The following EPN1 variants were observed in gnomAD, a reference collection of about 807,000 sequenced individuals.
The protein encoded by EPN1 is epsin 1.
In EPN1, 25 loss-of-function variants were observed where a neutral mutation model predicts 56.9. That is an observed-to-expected ratio of 0.44 (90% confidence interval 0.32 to 0.61). The LOEUF is 0.61. Ranked by LOEUF, EPN1 falls within the 20% of genes least tolerant of loss-of-function variation. The pLI is 0.05. For synonymous variants in EPN1, 411 were observed against 361.8 expected (o/e 1.14, Z -1.54); for missense variants, 785 against 823.7 (o/e 0.95, Z 0.58).
chr19:55,688,870 C>G lies in EPN1; in HGVS notation c.479C>G (p.Ala160Gly), dbSNP rs975825862. ...TKEKLAQTAT[A>G]SSAAVGSGPP... ...CACGCGTTTCTCACCCGCCCTCCAG[C>G]CTCATCAGCAGCTGTGGGCTCAGGC... Residue 160 changes from alanine (A) to glycine (G), a missense_variant and splice_region_variant, in exon 4 of 11, where the codon GCC (alanine) becomes GGC (glycine). Ala to Gly is a moderately conservative substitution (Grantham distance 60). This residue lies in a region of EPN1 where 650 missense variants were observed against 605.0 expected (regional missense o/e 1.07). Coordinates refer to ENST00000270460, the MANE Select transcript of EPN1 (RefSeq NM_001130072.2). The G allele has an allele frequency of 6.3e-7, 1 of 1,576,580 alleles. No homozygotes were observed. The highest frequency in any genetic ancestry group is 8.6e-7 in the Non-Finnish European group (1 of 1,161,456).
At chr19:55,678,880 GGCA>G in intron 2 of EPN1, 25 bp downstream of exon 2, 9 of 1,537,234 alleles carry the variant, frequency 5.9e-6, no homozygotes, top group Non-Finnish European at 8.0e-6. Flanking sequence ...CTCCTCCCCG[GGCA>G]GGTGCAGGGG....
chr19:55,678,980 C>T (rs1985623258), intron 2 of EPN1, 125 bp downstream of exon 2: 1 of 668,800 alleles, frequency 1.5e-6, no homozygotes, highest in African/African-American at 1.8e-5. Flanking sequence ...AGAGTAAAAT[C>T]TCTCTTTTTG....
chr19:55,683,065 T>C (rs1405108561), intron 2 of EPN1, among the ~76,000 whole-genome samples: 1 of 149,810 alleles, frequency 6.7e-6, no homozygotes, highest in Non-Finnish European at 1.5e-5. Flanking sequence ...TGTTTTTTGT[T>C]TTTTCTTGAA....
chr19:55,692,091 C>A, intron 7 of EPN1, 34 bp downstream of exon 7: 1 of 1,401,322 alleles, frequency 7.1e-7, no homozygotes, highest in Non-Finnish European at 9.3e-7. Context: ...GCAGCCCCTA[C>A]GCCTGTGTGC....
rs772902715 is a variant in EPN1 at position 55,695,196 on chromosome 19, C to T, written c.1571C>T (p.Pro524Leu). 3.7e-6 allele frequency: 6 copies of T among 1,613,716 alleles called. No individual in the cohort carries two copies. The highest frequency in any genetic ancestry group is 4.2e-6 in the Non-Finnish European group (5 of 1,179,834). Residue 524 changes from proline to leucine, a missense_variant, in exon 11 of 11, where the codon CCT (proline) becomes CTT (leucine). Physicochemically the swap from Pro to Leu is moderately conservative, Grantham distance 98. Transcript: ENST00000270460. This position sits in a 1 kb window ranked among gnomAD's most constrained non-coding sequence, Gnocchi z 4.4. Reference protein sequence around the residue: ...PSVTNPFQPAPPATLTLNQLR... With the variant: ...PSVTNPFQPALPATLTLNQLR... ...GTCACCAACCCCTTCCAGCCCGCGC[C>T]TCCCGCGACGCTCACCCTGAACCAG...
At chr19:55,685,372 G>T in intron 2 of EPN1, 24 bp from the exon 3 acceptor site, 1 of 1,603,004 alleles carries the variant, frequency 6.2e-7, no homozygotes. Context: ...CGTGCTGACC[G>T]GGCATCCCCG....
rs1019236931 is a variant in EPN1, at chr19:55,700,161, G to C, written c.*4805G>C. The C allele has an allele frequency of 7.0e-6, 1 of 143,530 alleles. No individual in the cohort carries two copies. Among genetic ancestry groups the C allele is most frequent in the Admixed American group, 6.7e-5 (1 of 14,968 alleles). 8.9% of individuals were successfully genotyped at this position (143,530 alleles called of 1,614,324 possible). ...GATGGTCACGATCTCCTGACCTCGT[G>C]ATCTGCCCACCTCGGCCTTCCAAAG... On this transcript the variant is annotated 3_prime_UTR_variant, in exon 11 of 11. Transcript: ENST00000270460.
intron 1 of EPN1, among the ~76,000 whole-genome samples, chr19:55,676,057 G>A (rs1985394763): frequency 6.6e-6 from 1 of 152,192 alleles, no homozygotes; most frequent in African/African-American, 2.4e-5. Flanking sequence ...ATTGCCAGGT[G>A]ATAGTCTCTG....
chr19:55,693,541 C>T (rs1011220562), intron 9 of EPN1, among the ~76,000 whole-genome samples: 1 of 152,192 alleles, frequency 6.6e-6, no homozygotes. Context: ...TGGCGCCCAT[C>T]GCCGGTGACG....
Position 55,705,032 on chromosome 19 carries a change from C to G in EPN1, c.*9676C>G, listed in dbSNP as rs1463298716. The stretch of plus-strand genomic sequence containing the variant: ...CAGGGAGCCCAGAAGAAATGAAAAG[C>G]CTGGGCAGACTCGCAGTTCTGCCAC... On this transcript the variant is annotated 3_prime_UTR_variant, in exon 11 of 11. Coordinates refer to ENST00000270460, the MANE Select transcript of EPN1 (RefSeq NM_001130072.2). 6.6e-6 allele frequency: 1 copy of G among 152,236 alleles called. No individual in the cohort carries two copies. The highest frequency in any genetic ancestry group is 1.5e-5 in the Non-Finnish European group (1 of 68,062). 9.4% of individuals were successfully genotyped at this position (152,236 alleles called of 1,614,324 possible).
At position 55,708,731 on chromosome 19, in the gene EPN1, A is replaced by G. The variant is rs1987552538; in HGVS notation, c.*13375A>G. On this transcript the variant is annotated 3_prime_UTR_variant, in exon 11 of 11. Transcript: ENST00000270460. ...ACAAGGGGATATAGGACCGAGGCAA[A>G]GACAATCAGCATGTACACTGAATCA... The G allele has an allele frequency of 2.1e-6, 1 of 468,480 alleles. No individual in the cohort carries two copies. The highest frequency in any genetic ancestry group is 3.8e-6 in the Non-Finnish European group (1 of 263,546). 29.0% of individuals were successfully genotyped at this position (468,480 alleles called of 1,614,324 possible). A position where few individuals can be genotyped will look rare whatever the true frequency, so the allele number is the denominator to read the frequency against.
Position 55,695,114 on chromosome 19 carries a change from T to C in EPN1, c.1523-34T>C. On this transcript the variant is annotated intron_variant, in intron 10 of 10. Coordinates refer to ENST00000270460, the MANE Select transcript of EPN1 (RefSeq NM_001130072.2). This position sits in a 1 kb window ranked among gnomAD's most constrained non-coding sequence, Gnocchi z 4.4. ...GACACAGGTGGGCTGCGCCACTGAC[T>C]CCACTCCGTGTCTCTGGTTTACTCT... is the stretch of plus-strand genomic sequence containing the variant. 6.2e-7 allele frequency: 1 copy of C among 1,612,874 alleles called. No homozygotes were observed. The highest frequency in any genetic ancestry group is 8.5e-7 in the Non-Finnish European group (1 of 1,179,274).
Position 55,678,765 on chromosome 19 carries a change from C to T in EPN1, c.138C>T (p.Leu46=). ...SSSLMSEIAD[L]TYNVVAFSEI... Reference sequence around the variant, plus strand: ...CCCTCATGTCAGAGATTGCCGACCTCACCTACAACGTTGTCGCCTTCTCGG... The same window carrying T: ...CCCTCATGTCAGAGATTGCCGACCTTACCTACAACGTTGTCGCCTTCTCGG... Residue 46 remains leucine (L), a synonymous_variant, in exon 2 of 11, where the codon CTC becomes CTT. Coordinates refer to ENST00000270460, the MANE Select transcript of EPN1 (RefSeq NM_001130072.2). The T allele has an allele frequency of 6.2e-7, 1 of 1,614,204 alleles. No homozygotes were observed. Among genetic ancestry groups the T allele is most frequent in the Non-Finnish European group, 8.5e-7 (1 of 1,180,026 alleles).
rs34696571 is a variant in EPN1, at chr19:55,702,802, GT to G, written c.*7456del. On this transcript the variant is annotated 3_prime_UTR_variant, in exon 11 of 11. Coordinates refer to ENST00000270460, the MANE Select transcript of EPN1 (RefSeq NM_001130072.2). Reference sequence around the variant, plus strand: ...TACTCCTTTCTTTTCTTTCACTGTTGTTTTTTTTTTGAGACGGAGTCTTGCA... The same window carrying G: ...TACTCCTTTCTTTTCTTTCACTGTTGTTTTTTTTTGAGACGGAGTCTTGCA... 0.28 allele frequency: 36,135 copies of G among 131,332 alleles called. 4,677 individuals are homozygous for G. The highest frequency in any genetic ancestry group is 0.41 in the African/African-American group (13,243 of 32,406). 8.1% of individuals were successfully genotyped at this position (131,332 alleles called of 1,614,324 possible).
intron 2 of EPN1, chr19:55,680,675 C>G (rs910337335): frequency 6.6e-6 from 1 of 152,416 alleles, no homozygotes; most frequent in Non-Finnish European, 1.5e-5. Context: ...AGCATAGGCA[C>G]AGGGCAGGGG....
rs899886800 is a variant in EPN1, at chr19:55,697,102, T to C, written c.*1746T>C. 1 of 152,172 alleles carries C rather than the reference T, an allele frequency of 6.6e-6. No homozygotes were observed. The highest frequency in any genetic ancestry group is 1.5e-5 in the Non-Finnish European group (1 of 68,026). The allele number at this position is 152,172 out of a possible 1,614,324, so 9.4% of individuals were successfully genotyped here. A position where few individuals can be genotyped will look rare whatever the true frequency, so the allele number is the denominator to read the frequency against. The stretch of plus-strand genomic sequence containing the variant: ...CTTCTCACACCCGGCCTGGGTATGT[T>C]GTGGGAGAGTCATTTCCCAGGAGGA... On this transcript the variant is annotated 3_prime_UTR_variant, in exon 11 of 11. Coordinates refer to ENST00000270460, the MANE Select transcript of EPN1 (RefSeq NM_001130072.2).
At position 55,678,814 on chromosome 19, in the gene EPN1, C is replaced by T. The variant is rs754764107; in HGVS notation, c.187C>T (p.Arg63Trp). 1.9e-6 allele frequency: 3 copies of T among 1,613,622 alleles called. No individual in the cohort carries two copies. The highest frequency in any genetic ancestry group is 1.3e-5 in the African/African-American group (1 of 74,894). Reference protein sequence around the residue: ...FSEIMSMIWKRLNDHGKNWRH... With the variant: ...FSEIMSMIWKWLNDHGKNWRH... ...GGAGATCATGAGCATGATCTGGAAG[C>T]GGCTCAATGACCATGGCAAGAACTG... The change falls in exon 2 of 11, where the codon CGG (arginine) becomes TGG (tryptophan). Residue 63 changes from arginine to tryptophan, a missense_variant. Arg to Trp is a moderately radical substitution (Grantham distance 101, BLOSUM62 -3). This residue lies in a region of EPN1 where 135 missense variants were observed against 218.7 expected (regional missense o/e 0.62). Transcript: ENST00000270460.
In EPN1 at chr19:55,704,137, A is replaced by T. The variant is rs536682418; in HGVS notation, c.*8781A>T. The T allele has an allele frequency of 2.0e-5, 3 of 152,288 alleles. No homozygotes were observed. The South Asian group carries it at 6.2e-4, about 32-fold the overall frequency. The allele number at this position is 152,288 out of a possible 1,614,324, so 9.4% of individuals were successfully genotyped here. A position where few individuals can be genotyped will look rare whatever the true frequency, so the allele number is the denominator to read the frequency against. ...GGTCTCCTCCTGGTCCCCACCTTCC[A>T]GCCCAGCGCGCACACTAGACGGCAC... On this transcript the variant is annotated 3_prime_UTR_variant, in exon 11 of 11. Transcript: ENST00000270460.
intron 2 of EPN1, among the ~76,000 whole-genome samples, chr19:55,682,641 C>T (rs756509116): frequency 1.3e-5 from 2 of 152,128 alleles, no homozygotes; most frequent in East Asian, 3.9e-4. Context: ...CCATGTCACC[C>T]ACGATGGTCT....
Sources: allele counts gnomAD v4.1 joint callset (sites outside exome capture counted in the v4.1 genomes callset), GRCh38; gene constraint gnomAD v4.1.1; regional missense constraint gnomAD v4.1.1; non-coding constraint Gnocchi (gnomAD v3.1); transcripts MANE v1.5; gene names NCBI Gene and HGNC (gene_info 2026-07-23, HGNC 2026-07-21).